The following REPS2 variants were observed in gnomAD, a reference collection of about 807,000 sequenced individuals.
REPS2 encodes the protein RALBP1 associated Eps domain containing 2.
In REPS2, 23 loss-of-function variants were observed where a neutral mutation model predicts 53.6. The ratio of observed to expected loss-of-function variants is 0.43; its 90% CI spans 0.31 to 0.61. The LOEUF (loss-of-function observed/expected upper bound fraction) is 0.61, where lower values mean the gene tolerates loss of function less well. Ranked by LOEUF, REPS2 falls within the 20% of genes least tolerant of loss-of-function variation. The pLI, the probability that REPS2 is intolerant of heterozygous loss-of-function variation, is 0.11. For missense variants in REPS2, 446 were observed against 534.9 expected, an observed-to-expected ratio of 0.83 and a Z score of 1.64; for synonymous variants, 238 against 218.6, an observed-to-expected ratio of 1.09 and a Z score of -0.78.
the REPS2 span, among the ~76,000 whole-genome samples, chrX:17,190,770 A>G: frequency 8.9e-6 from 1 of 112,541 alleles, no homozygotes; most frequent in Non-Finnish European, 1.9e-5. Flanking sequence ...AAAGACAGAA[A>G]CATAGATCAA....
intron 17 of REPS2, among the ~76,000 whole-genome samples, chrX:17,144,777 A>T (rs1384127247): frequency 8.9e-6 from 1 of 112,120 alleles, no homozygotes; most frequent in Non-Finnish European, 1.9e-5. Flanking sequence ...GCCATTTACC[A>T]GGGTGACTGT....
the REPS2 span, among the ~76,000 whole-genome samples, chrX:17,168,478 A>C: frequency 9.0e-6 from 1 of 110,698 alleles, no homozygotes; most frequent in Admixed American, 9.5e-5. Flanking sequence ...GCACCACTGA[A>C]CTCCAGCCTC....
chrX:17,011,726 G>A (rs779398201), intron 2 of REPS2, among the ~76,000 whole-genome samples: 1 of 110,914 alleles, frequency 9.0e-6, no homozygotes, highest in East Asian at 2.9e-4. Flanking sequence ...GACCAGCCCG[G>A]CAAATGTGGT....
intron 1 of REPS2, among the ~76,000 whole-genome samples, chrX:16,965,094 C>T (rs1297256238): frequency 5.1e-5 from 4 of 78,980 alleles, no homozygotes; most frequent in Non-Finnish European, 5.0e-5. Flanking sequence ...GGGGGGCTGA[C>T]CCCCCCACCT....
the REPS2 span, among the ~76,000 whole-genome samples, chrX:17,172,332 G>C: frequency 9.0e-6 from 1 of 111,130 alleles, no homozygotes; most frequent in Non-Finnish European, 1.9e-5. Context: ...TCATGGGGGT[G>C]GATTTCCCTC....
chrX:16,981,198 C>T (rs893651780), intron 1 of REPS2, among the ~76,000 whole-genome samples: 2 of 111,382 alleles, frequency 1.8e-5, no homozygotes, highest in African/African-American at 6.5e-5. Context: ...CTTTCTTGTC[C>T]CACAGTACTC....
chrX:17,053,314 T>C (rs1013531558), intron 7 of REPS2, among the ~76,000 whole-genome samples: 28 of 111,553 alleles, frequency 2.5e-4, no homozygotes, highest in Non-Finnish European at 4.7e-4. Flanking sequence ...CAATATATAC[T>C]CTGGCATAAT....
chrX:17,181,049 A>G, the REPS2 span, among the ~76,000 whole-genome samples: 2 of 112,155 alleles, frequency 1.8e-5, no homozygotes, highest in African/African-American at 3.2e-5. Context: ...TTCCTTGCCT[A>G]AAAGTATACT....
chrX:17,012,162 G>A (rs2061437445), intron 2 of REPS2, among the ~76,000 whole-genome samples: 1 of 109,646 alleles, frequency 9.1e-6, no homozygotes, highest in South Asian at 4.0e-4. Flanking sequence ...GGTGGATCAC[G>A]AGGTCAAGAG....
At chrX:17,158,062 C>T (rs1006093940), downstream of REPS2, among the ~76,000 whole-genome samples, 6 of 111,363 alleles carry the variant, frequency 5.4e-5, no homozygotes, top group Non-Finnish European at 1.1e-4. Flanking sequence ...CTCAATATCT[C>T]GCCTCCCTCA....
chrX:17,024,370 T>G lies in REPS2; in HGVS notation c.547-689T>G, dbSNP rs1012109485. On this transcript the variant is annotated intron_variant, in intron 3 of 17. Transcript: ENST00000357277. ...TACCAGTCTACTAGTAAAGTTTTTT[T>G]TTTTTTTTTTTTTTTTTAAAGAGGA... Among the ~76,000 whole-genome samples the G allele has an allele frequency of 3.7e-4, 37 of 99,378 alleles. No individual in the cohort carries two copies. The East Asian group carries it at 8.2e-3, about 22-fold the overall frequency. The allele number at this position is 99,378 out of a possible 115,157, so 86.3% of individuals were successfully genotyped here.
intron 2 of REPS2, among the ~76,000 whole-genome samples, chrX:17,012,416 A>AACAACAACAAC (rs1569124855): frequency 3.1e-5 from 3 of 96,737 alleles, no homozygotes; most frequent in African/African-American, 1.3e-4. Flanking sequence ...ACAACAACAA[A>AACAACAACAAC]CAAAACCCTA....
chrX:17,027,031 C>T (rs886518711), intron 4 of REPS2, among the ~76,000 whole-genome samples: 5 of 111,637 alleles, frequency 4.5e-5, no homozygotes, highest in African/African-American at 1.3e-4. Flanking sequence ...TGGACTCAAG[C>T]GATCCGCTCT....
intron 13 of REPS2, among the ~76,000 whole-genome samples, chrX:17,083,560 G>A (rs777192786): frequency 8.9e-6 from 1 of 111,758 alleles, no homozygotes; most frequent in Non-Finnish European, 1.9e-5. Flanking sequence ...ATTGAGTGGC[G>A]AATTGAGAAG....
intron 1 of REPS2, among the ~76,000 whole-genome samples, chrX:16,973,276 C>T (rs1340654289): frequency 8.9e-6 from 1 of 111,763 alleles, no homozygotes; most frequent in Non-Finnish European, 1.9e-5. Flanking sequence ...CAGGGTTTCT[C>T]TACAGTAAAA....
At chrX:17,061,632 T>G (rs2062159896) in intron 8 of REPS2, among the ~76,000 whole-genome samples, 1 of 112,969 alleles carries the variant, frequency 8.9e-6, no homozygotes. Flanking sequence ...GTTTATTATC[T>G]GCCACAGTCT....
intron 1 of REPS2, among the ~76,000 whole-genome samples, chrX:16,951,551 A>AC (rs2060510596): frequency 3.2e-5 from 1 of 30,952 alleles, no homozygotes; most frequent in Non-Finnish European, 8.5e-5. Context: ...ACACACACAC[A>AC]CACACACACC....
chrX:17,058,527 G>GGAAA (rs2062107406), intron 8 of REPS2, among the ~76,000 whole-genome samples: 1 of 110,302 alleles, frequency 9.1e-6, no homozygotes. Context: ...TATGTTAACA[G>GGAAA]GAAAGAAGTA....
chrX:17,064,406 A>C (rs1322599099), intron 9 of REPS2, among the ~76,000 whole-genome samples: 1 of 111,855 alleles, frequency 8.9e-6, no homozygotes, highest in Non-Finnish European at 1.9e-5. Flanking sequence ...CAGCCCTGTG[A>C]TCGATGACTC....
Sources: gnomAD v4.1 joint callset for allele counts (sites outside exome capture counted in the v4.1 genomes callset) on GRCh38, gnomAD v4.1.1 for gene constraint, MANE v1.5 for transcripts, NCBI Gene and HGNC (gene_info 2026-07-23, HGNC 2026-07-21) for gene names.